Variants in MAP2K5 observed in about 807,000 individuals in gnomAD.
MAP2K5 encodes mitogen-activated protein kinase kinase 5.
In MAP2K5, 49 loss-of-function variants were observed where a neutral mutation model predicts 83.1. The observed-to-expected ratio is 0.59, with a 90% CI of 0.47 to 0.75. MAP2K5 has a LOEUF of 0.75. Ranked by LOEUF, MAP2K5 falls within the 30% of genes least tolerant of loss-of-function variation. The probability of loss-of-function intolerance (pLI) is 0.00; values close to 1 mark genes in which losing one functional copy is unlikely to be tolerated. For synonymous variants in MAP2K5, 202 were observed against 191.8 expected, an observed-to-expected ratio of 1.05 and a Z score of -0.44; for missense variants, 457 against 557.5, an observed-to-expected ratio of 0.82 and a Z score of 1.82.
chr15:67,681,563 G>A (rs1465980645), intron 13 of MAP2K5, among the ~76,000 whole-genome samples: 4 of 152,132 alleles, frequency 2.6e-5, no homozygotes, highest in East Asian at 1.9e-4. Context: ...TTAAAAATGA[G>A]CCACTTTACA....
At chr15:67,631,805 C>G (rs1042324647) in intron 9 of MAP2K5, among the ~76,000 whole-genome samples, 5 of 152,208 alleles carry the variant, frequency 3.3e-5, no homozygotes, top group African/African-American at 1.2e-4. Flanking sequence ...TGGACTCTGT[C>G]TTGAATTGCG....
Position 67,668,395 on chromosome 15 carries a change from A to G in MAP2K5, c.847+3750A>G, listed in dbSNP as rs746975132. On this transcript the variant is annotated intron_variant, in intron 13 of 21. Coordinates refer to ENST00000178640, the MANE Select transcript of MAP2K5 (RefSeq NM_145160.3). This position sits in a 1 kb window ranked among gnomAD's most constrained non-coding sequence, Gnocchi z 4.0. ...GTTTGAAATGCCCACCAAATTAACT[A>G]CTGTGGAAAAGTTGTCTTTATTAAA... 1.3e-5 allele frequency among the ~76,000 whole-genome samples: 2 copies of G among 152,198 alleles called. No individual in the cohort carries two copies. The highest frequency in any genetic ancestry group is 1.9e-4 in the East Asian group (1 of 5,202).
chr15:67,646,421 G>A lies in MAP2K5; in HGVS notation c.688G>A (p.Ala230Thr), dbSNP rs1156475614. ...ATCATATATCATTGGATTTTATGGAGCATTTTTTGTAGAAAACAGGATTTC... is the reference window on the plus strand; with the variant it reads ...ATCATATATCATTGGATTTTATGGAACATTTTTTGTAGAAAACAGGATTTC... ...DSSYIIGFYG[A>T]FFVENRISIC... The change falls in exon 11 of 22, where the codon GCA becomes ACA. Residue 230 changes from alanine (A) to threonine (T), a missense_variant. Around this residue, in one of 3 missense-constraint regions of MAP2K5, gnomAD observed 168 missense variants for 263.0 expected, o/e 0.64. Transcript: ENST00000178640. The A allele has an allele frequency of 6.2e-7, 1 of 1,602,632 alleles. No individual in the cohort carries two copies. The highest frequency in any genetic ancestry group is 8.5e-7 in the Non-Finnish European group (1 of 1,171,666).
Position 67,738,690 on chromosome 15 carries a change from T to TA in MAP2K5, c.1075-9540dup, listed in dbSNP as rs2089400440. ...TAGAGGAGATGGGGATCCACCCACA[T>TA]ACACATGTACACACAACCACACGAG... On this transcript the variant is annotated intron_variant, in intron 17 of 21. Coordinates refer to ENST00000178640, the MANE Select transcript of MAP2K5 (RefSeq NM_145160.3). This position sits in a 1 kb window ranked among gnomAD's most constrained non-coding sequence, Gnocchi z 4.1. 6.6e-6 allele frequency among the ~76,000 whole-genome samples: 1 copy of TA among 152,240 alleles called. No individual in the cohort carries two copies. The highest frequency in any genetic ancestry group is 2.4e-5 in the African/African-American group (1 of 41,466).
intron 3 of MAP2K5, among the ~76,000 whole-genome samples, chr15:67,571,225 T>G (rs551028993): frequency 2.0e-5 from 3 of 152,254 alleles, no homozygotes; most frequent in Admixed American, 2.0e-4. Flanking sequence ...CCCCAGAAAA[T>G]TCACATAATG....
chr15:67,651,219 A>T (rs2086945435), intron 11 of MAP2K5, among the ~76,000 whole-genome samples: 3 of 152,212 alleles, frequency 2.0e-5, no homozygotes, highest in Admixed American at 2.0e-4. Flanking sequence ...GTCTCAAAAT[A>T]AATAAATCAA....
chr15:67,693,930 T>C (rs952402728), intron 15 of MAP2K5, among the ~76,000 whole-genome samples: 9 of 152,176 alleles, frequency 5.9e-5, no homozygotes, highest in Non-Finnish European at 1.3e-4. Flanking sequence ...GTTTTTTTTT[T>C]TTCTTGGAAT....
chr15:67,546,108 A>G (rs920791332), intron 1 of MAP2K5: 37 of 152,262 alleles, frequency 2.4e-4, no homozygotes, highest in Admixed American at 2.3e-3. Context: ...GTTCAGTGCT[A>G]TCTCCTAGTG....
At chr15:67,679,614 A>G (rs1307319018) in intron 13 of MAP2K5, 3 of 152,318 alleles carry the variant, frequency 2.0e-5, no homozygotes, top group Admixed American at 6.5e-5. Context: ...GGCCTAGAGC[A>G]TATCAGTTCT....
In MAP2K5 at chr15:67,543,189, C is replaced by T; in HGVS notation, c.-147C>T. 1.3e-6 allele frequency: 1 copy of T among 789,962 alleles called. No individual in the cohort carries two copies. The highest frequency in any genetic ancestry group is 2.1e-6 in the Non-Finnish European group (1 of 479,102). The allele number at this position is 789,962 out of a possible 1,614,324, so 48.9% of individuals were successfully genotyped here. A position where few individuals can be genotyped will look rare whatever the true frequency, so the allele number is the denominator to read the frequency against. On this transcript the variant is annotated 5_prime_UTR_variant, in exon 1 of 22. Transcript: ENST00000178640. The surrounding 1 kb of genome is among the most constrained non-coding windows in gnomAD (Gnocchi z 4.3). ...GCGGGTGCGTTCCTGATCACCCCTC[C>T]CCTCTTCCCTCCCCCTCATCCTCCA...
chr15:67,664,333 C>CA (rs11395465), intron 12 of MAP2K5, among the ~76,000 whole-genome samples: 15,156 of 74,086 alleles, frequency 0.2, 2,812 homozygotes, highest in African/African-American at 0.46. Context: ...CTGTTTCTAC[C>CA]AAAAAAAAAA....
chr15:67,607,401 C>G (rs1218242086), intron 8 of MAP2K5, among the ~76,000 whole-genome samples: 1 of 152,028 alleles, frequency 6.6e-6, no homozygotes, highest in Non-Finnish European at 1.5e-5. Context: ...TTTATTGATT[C>G]GAATCTAAGG....
At chr15:67,725,150 T>G (rs2089060277) in intron 16 of MAP2K5, among the ~76,000 whole-genome samples, 1 of 152,178 alleles carries the variant, frequency 6.6e-6, no homozygotes, top group African/African-American at 2.4e-5. Context: ...ACAGAGAGGC[T>G]CCCAGCTGAC....
chr15:67,695,058 A>G (rs983759521), intron 15 of MAP2K5, among the ~76,000 whole-genome samples: 1 of 147,104 alleles, frequency 6.8e-6, no homozygotes, highest in Non-Finnish European at 1.5e-5. Flanking sequence ...GAATTGAACA[A>G]TGAGAACACA....
chr15:67,575,920 T>TGG (rs1596583257), intron 3 of MAP2K5, among the ~76,000 whole-genome samples: 1 of 126,214 alleles, frequency 7.9e-6, no homozygotes, highest in Non-Finnish European at 1.7e-5. Flanking sequence ...TTCTTTCTTT[T>TGG]TTTTTTTTTT....
chr15:67,716,513 T>G (rs1051092654), intron 16 of MAP2K5, among the ~76,000 whole-genome samples: 3 of 152,206 alleles, frequency 2.0e-5, no homozygotes, highest in African/African-American at 7.2e-5. Context: ...CTGCCAACTT[T>G]GAGATATCCA....
At chr15:67,711,680 C>T (rs2088696077) in intron 16 of MAP2K5, among the ~76,000 whole-genome samples, 1 of 5,440 alleles carries the variant, frequency 1.8e-4, no homozygotes, top group African/African-American at 3.9e-4. Context: ...CGCACACACA[C>T]ACACACACAC....
At chr15:67,611,590 G>A (rs2085926011) in intron 8 of MAP2K5, among the ~76,000 whole-genome samples, 1 of 152,132 alleles carries the variant, frequency 6.6e-6, no homozygotes, top group Non-Finnish European at 1.5e-5. Context: ...TATGGCCCCA[G>A]CTGTGTGGGA....
In MAP2K5 at chr15:67,806,848, C is replaced by A. The variant is rs370972242; in HGVS notation, c.*98C>A. On this transcript the variant is annotated 3_prime_UTR_variant, in exon 22 of 22. Coordinates refer to ENST00000178640, the MANE Select transcript of MAP2K5 (RefSeq NM_145160.3). ...TGCTGCCTGCGCCAGAAGAGCTTTGCTGGGCCCTGGCTTCCCTGCCCTCGC... is the reference window on the plus strand; with the variant it reads ...TGCTGCCTGCGCCAGAAGAGCTTTGATGGGCCCTGGCTTCCCTGCCCTCGC... The A allele has an allele frequency of 2.9e-5, 47 of 1,596,426 alleles. No homozygotes were observed. In the African/African-American group the frequency reaches 4.1e-4, roughly 14 times the overall value.
Sources: allele counts gnomAD v4.1 joint callset (sites outside exome capture counted in the v4.1 genomes callset), GRCh38; gene constraint gnomAD v4.1.1; regional missense constraint gnomAD v4.1.1; non-coding constraint Gnocchi (gnomAD v3.1); transcripts MANE v1.5; gene names NCBI Gene and HGNC (gene_info 2026-07-23, HGNC 2026-07-21).